Variants in CACNA1D observed in about 807,000 individuals in gnomAD.
CACNA1D encodes calcium voltage-gated channel subunit alpha1 D, also known as voltage-dependent L-type calcium channel subunit alpha-1D.
CACNA1D carries 55 observed loss-of-function variants against 257.1 expected under a neutral mutation model. The ratio of observed to expected loss-of-function variants is 0.21; its 90% CI spans 0.17 to 0.27. The LOEUF (loss-of-function observed/expected upper bound fraction) is 0.27. Among genes scored for constraint, CACNA1D ranks in the 10% least tolerant of loss-of-function variants. The pLI, the probability that CACNA1D is intolerant of heterozygous loss-of-function variation, is 1.00. For synonymous variants in CACNA1D, 980 were observed against 1,014.9 expected (o/e 0.97, Z 0.65); for missense variants, 1,876 against 2,784.0 (o/e 0.67, Z 7.34).
intron 10 of CACNA1D, chr3:53,718,849 T>C: frequency 9.9e-7 from 1 of 1,011,322 alleles, no homozygotes; most frequent in Non-Finnish European, 1.5e-6. Flanking sequence ...TAAGTTTTCC[T>C]TTGCTCATGG....
intron 30 of CACNA1D, among the ~76,000 whole-genome samples, chr3:53,764,279 T>C (rs1051012221): frequency 6.6e-6 from 1 of 152,230 alleles, no homozygotes; most frequent in Non-Finnish European, 1.5e-5. Context: ...CTGAGCTCTC[T>C]CCGAAGTTTA....
intron 8 of CACNA1D, among the ~76,000 whole-genome samples, chr3:53,694,397 G>A (rs1411723561): frequency 6.6e-6 from 1 of 152,188 alleles, no homozygotes; most frequent in African/African-American, 2.4e-5. Flanking sequence ...AAATCAGAGT[G>A]CAGTAGTGAG....
intron 8 of CACNA1D, among the ~76,000 whole-genome samples, chr3:53,695,406 C>G (rs1458255885): frequency 6.6e-6 from 1 of 152,144 alleles, no homozygotes; most frequent in African/African-American, 2.4e-5. Flanking sequence ...TATGGCAGCC[C>G]TTCAGATACT....
At chr3:53,712,057 A>C (rs866931890) in intron 9 of CACNA1D, among the ~76,000 whole-genome samples, 2 of 152,248 alleles carry the variant, frequency 1.3e-5, no homozygotes, top group African/African-American at 4.8e-5. Flanking sequence ...AAAGACTGAC[A>C]TAGGAATATA....
chr3:53,752,000 A>G lies in CACNA1D; in HGVS notation c.3675+93A>G. 1 of 1,294,896 alleles carries G rather than the reference A, an allele frequency of 7.7e-7. No homozygotes were observed. The highest frequency in any genetic ancestry group is 2.3e-5 in the East Asian group (1 of 43,486). 80.2% of individuals were successfully genotyped at this position (1,294,896 alleles called of 1,614,324 possible). ...AGGGTGGAATGCTGCCCCTCACAGG[A>G]GGGGTTTGATTTTTCTGATGAGTCT... On this transcript the variant is annotated intron_variant, in intron 28 of 47. Coordinates refer to ENST00000350061, the MANE Select transcript of CACNA1D (RefSeq NM_001128840.3). This position sits in a 1 kb window ranked among gnomAD's most constrained non-coding sequence, Gnocchi z 4.3.
At chr3:53,569,183 G>T (rs947896427) in intron 3 of CACNA1D, among the ~76,000 whole-genome samples, 2 of 152,144 alleles carry the variant, frequency 1.3e-5, no homozygotes, top group Non-Finnish European at 1.5e-5. Flanking sequence ...ATCAGCACTC[G>T]CTCCCTCAAT....
intron 4 of CACNA1D, among the ~76,000 whole-genome samples, chr3:53,655,934 C>A (rs995500436): frequency 1.3e-5 from 2 of 152,136 alleles, no homozygotes; most frequent in Non-Finnish European, 2.9e-5. Context: ...AGTCTTTAAT[C>A]CATCTTGAGT....
At chr3:53,808,569 C>T (rs1433210076) in intron 45 of CACNA1D, 80 bp from the exon 46 acceptor site, 10 of 1,570,448 alleles carry the variant, frequency 6.4e-6, no homozygotes, top group African/African-American at 4.0e-5. Context: ...GCTGAGCATC[C>T]GGGGCCACCC....
chr3:53,598,333 T>C (rs888935818), intron 3 of CACNA1D, among the ~76,000 whole-genome samples: 2 of 151,716 alleles, frequency 1.3e-5, no homozygotes, highest in African/African-American at 2.4e-5. Flanking sequence ...CCCAGCACTT[T>C]AGGAGGCCCA....
At chr3:53,543,999 A>G (rs1212752316) in intron 3 of CACNA1D, among the ~76,000 whole-genome samples, 2 of 152,210 alleles carry the variant, frequency 1.3e-5, no homozygotes, top group Admixed American at 6.5e-5. Flanking sequence ...TTGTGTTTTT[A>G]TGCCTTCTGA....
intron 29 of CACNA1D, among the ~76,000 whole-genome samples, chr3:53,760,994 C>T (rs539904085): frequency 1.3e-5 from 2 of 152,324 alleles, no homozygotes; most frequent in African/African-American, 4.8e-5. Flanking sequence ...GTAAGAGATT[C>T]AGCGTCAGCC....
chr3:53,602,466 A>G (rs1475611092), intron 3 of CACNA1D, among the ~76,000 whole-genome samples: 1 of 152,190 alleles, frequency 6.6e-6, no homozygotes, highest in Non-Finnish European at 1.5e-5. Flanking sequence ...TGTTGGCTGT[A>G]TACTCAGTTG....
chr3:53,681,975 C>G (rs947382553), intron 8 of CACNA1D, among the ~76,000 whole-genome samples: 4 of 152,044 alleles, frequency 2.6e-5, no homozygotes, highest in Non-Finnish European at 5.9e-5. Flanking sequence ...ACTGGGAGAG[C>G]TGGAGATGAA....
rs183344336 is a variant in CACNA1D, at chr3:53,587,034, C to T, written c.484-63745C>T. Among the ~76,000 whole-genome samples the T allele has an allele frequency of 8.3e-4, 126 of 152,036 alleles. 2 individuals carry two copies. The highest frequency in any genetic ancestry group is 7.8e-3 in the Admixed American group (119 of 15,264). On this transcript the variant is annotated intron_variant, in intron 3 of 47. Coordinates refer to ENST00000350061, the MANE Select transcript of CACNA1D (RefSeq NM_001128840.3). ...CCAGGGCGTGATGTGTTCCTGGAAC[C>T]GTGGGGCCCCATCTCAGTGGGCCTT...
intron 19 of CACNA1D, among the ~76,000 whole-genome samples, chr3:53,733,481 A>G (rs1015322651): frequency 1.3e-5 from 2 of 152,168 alleles, no homozygotes; most frequent in African/African-American, 4.8e-5. Context: ...GTAAAGTCAT[A>G]TTGCACAGTG....
chr3:53,660,162 C>T lies in CACNA1D; in HGVS notation c.653C>T (p.Thr218Ile). The change falls in exon 5 of 48, where the codon ACC (threonine) becomes ATC (isoleucine). Residue 218 changes from threonine to isoleucine, a missense_variant. By Grantham distance (89) the Thr-to-Ile change is moderately conservative (BLOSUM62 -1). Around this residue, in one of 10 missense-constraint regions of CACNA1D, gnomAD observed 188 missense variants for 390.4 expected, o/e 0.48. Coordinates refer to ENST00000350061, the MANE Select transcript of CACNA1D (RefSeq NM_001128840.3). ...GLFSVILEQLTKETEGGNHSS... is the reference protein window; with the variant it reads ...GLFSVILEQLIKETEGGNHSS... ...TTTAGTGTAATTTTGGAACAATTAA[C>T]CAAAGAAACAGAAGGCGGGAACCAC... 6.2e-7 allele frequency: 1 copy of T among 1,613,924 alleles called. No homozygotes were observed. Among genetic ancestry groups the T allele is most frequent in the Non-Finnish European group, 8.5e-7 (1 of 1,179,808 alleles).
chr3:53,655,252 A>G (rs992156988), intron 4 of CACNA1D, among the ~76,000 whole-genome samples: 6 of 152,124 alleles, frequency 3.9e-5, no homozygotes, highest in South Asian at 4.1e-4. Flanking sequence ...TGTCTTTGCT[A>G]TTGTGAATAG....
intron 3 of CACNA1D, among the ~76,000 whole-genome samples, chr3:53,531,655 A>G (rs1240509354): frequency 6.6e-6 from 1 of 152,150 alleles, no homozygotes; most frequent in Non-Finnish European, 1.5e-5. Context: ...CTTCTTATTA[A>G]TGAATTCTTC....
chr3:53,808,286 C>T (rs1377745090), intron 45 of CACNA1D: 13 of 271,906 alleles, frequency 4.8e-5, no homozygotes, highest in East Asian at 4.0e-4. Flanking sequence ...TGGTGGCGGG[C>T]GCCTGTAGTC....
Sources: allele counts gnomAD v4.1 joint callset (sites outside exome capture counted in the v4.1 genomes callset), GRCh38; gene constraint gnomAD v4.1.1; regional missense constraint gnomAD v4.1.1; non-coding constraint Gnocchi (gnomAD v3.1); transcripts MANE v1.5; gene names NCBI Gene and HGNC (gene_info 2026-07-23, HGNC 2026-07-21).